LZTS2: variants seen among roughly 807,000 people sequenced by gnomAD.
The protein encoded by LZTS2 is leucine zipper tumor suppressor 2, also known as leucine zipper putative tumor suppressor 2.
In LZTS2, 32 loss-of-function variants were observed where a neutral mutation model predicts 60.6. That is an observed-to-expected ratio of 0.53 (90% confidence interval 0.40 to 0.71). LZTS2 has a LOEUF of 0.71. Ranked by LOEUF, LZTS2 falls within the 30% of genes least tolerant of loss-of-function variation. The pLI is 0.00. For synonymous variants in LZTS2, 360 were observed against 393.1 expected (o/e 0.92, Z 1.00); for missense variants, 792 against 901.9 (o/e 0.88, Z 1.56).
At chr10:101,001,164 G>C (rs915750218) in exon 1 of LZTS2, 1 of 152,220 alleles carries the variant, frequency 6.6e-6, no homozygotes, top group Admixed American at 6.6e-5. Context: ...CACAAACACA[G>C]GAGCTCACAC....
exon 1 of LZTS2, chr10:101,002,111 GC>G (rs1218659107): frequency 6.2e-6 from 1 of 160,018 alleles, no homozygotes; most frequent in Admixed American, 6.5e-5. Flanking sequence ...CTGTAATGAG[GC>G]CACCTGGCTG....
In LZTS2 at chr10:101,006,466, C is replaced by T; in HGVS notation, c.1327-19C>T. 1 of 1,597,860 alleles carries T rather than the reference C, an allele frequency of 6.3e-7. No homozygotes were observed. On this transcript the variant is annotated intron_variant, in intron 3 of 3. Coordinates refer to ENST00000370220, the Ensembl canonical transcript of LZTS2. ...GAGAACCTGTCTCACCATCCTTCCC[C>T]ACTTCCTCCCACCCCCAGGTGTGCC...
exon 4 of LZTS2, chr10:101,006,874 G>A (rs990274443): frequency 1.3e-6 from 2 of 1,532,162 alleles, no homozygotes; most frequent in African/African-American, 1.4e-5. Flanking sequence ...GCAGCTTGCG[G>A]GCCCAGGTGG....
chr10:101,000,860 TCCCCCAGCTC>T (rs1227654631), exon 1 of LZTS2: 1 of 152,292 alleles, frequency 6.6e-6, no homozygotes, highest in Non-Finnish European at 1.5e-5. Context: ...GGCCTACCCC[TCCCCCAGCTC>T]CCCGCAGCTC....
At chr10:101,002,331 G>A (rs1423827321) in exon 1 of LZTS2, 24 of 479,878 alleles carry the variant, frequency 5.0e-5, no homozygotes, top group Non-Finnish European at 2.2e-5. Flanking sequence ...ATTGGGCAGT[G>A]TGGTTTGGGG....
At chr10:101,006,926 G>A (rs1293712254) in exon 4 of LZTS2, 11 of 1,533,590 alleles carry the variant, frequency 7.2e-6, no homozygotes, top group Non-Finnish European at 8.8e-6. Context: ...GCGGCGGGGT[G>A]AGGAGCAGCG....
exon 4 of LZTS2, chr10:101,007,771 C>T (rs1005009694): frequency 3.2e-5 from 17 of 531,688 alleles, no homozygotes; most frequent in Non-Finnish European, 4.1e-5. Flanking sequence ...GTATATTTTT[C>T]ACACTGTAAA....
intron 1 of LZTS2, 38 bp from the exon 3 acceptor site, chr10:101,003,469 G>A (rs1852090581): frequency 2.0e-6 from 3 of 1,508,936 alleles, no homozygotes; most frequent in African/African-American, 1.4e-5. Context: ...GCAAGATTGG[G>A]CAGCTCATCT....
exon 4 of LZTS2, chr10:101,007,403 T>C: frequency 7.0e-7 from 1 of 1,428,222 alleles, no homozygotes; most frequent in South Asian, 1.5e-5. Context: ...AGGCTCTTGT[T>C]ACTACCCACT....
rs750047723 is a variant in LZTS2, at chr10:101,002,770, C to T, written c.232C>T (p.Pro78Ser). ...ACAGGAGCCGCTGTGCCCAGCTGTG[C>T]CCCCTAGGAAGGCTGTCCCTGTCAC... The change falls in exon 1 of 4, where the codon CCC becomes TCC. Residue 78 changes from proline to serine, a missense_variant. By Grantham distance (74) the Pro-to-Ser change is moderately conservative. Coordinates refer to ENST00000370220, the Ensembl canonical transcript of LZTS2. 2.5e-6 allele frequency: 4 copies of T among 1,613,182 alleles called. No homozygotes were observed. In the South Asian group the frequency reaches 4.4e-5, roughly 18 times the overall value.
exon 1 of LZTS2, chr10:101,001,536 T>C (rs1307193230): frequency 6.6e-6 from 1 of 152,254 alleles, no homozygotes; most frequent in East Asian, 1.9e-4. Context: ...CTTCAGCAGA[T>C]GCCTAAGTCC....
intron 2 of LZTS2, among the ~76,000 whole-genome samples, chr10:101,004,627 G>C (rs970479359): frequency 6.6e-6 from 1 of 152,152 alleles, no homozygotes; most frequent in African/African-American, 2.4e-5. Flanking sequence ...AACTTGTGGG[G>C]TGGAAAGGAG....
intron 2 of LZTS2, among the ~76,000 whole-genome samples, chr10:101,004,886 AG>A (rs1455028670): frequency 6.6e-6 from 1 of 152,182 alleles, no homozygotes; most frequent in African/African-American, 2.4e-5. Context: ...TAGTAGAGAC[AG>A]GGTTTCCACC....
intron 3 of LZTS2, among the ~76,000 whole-genome samples, chr10:101,006,180 T>A (rs1272644708): frequency 6.6e-6 from 1 of 152,192 alleles, no homozygotes; most frequent in Non-Finnish European, 1.5e-5. Flanking sequence ...TTGTCCCCAC[T>A]CCTGCAGCAC....
chr10:101,006,764 G>A lies in LZTS2; in HGVS notation c.1606G>A (p.Gly536Arg), dbSNP rs371509770. ...TGGGCAGTTGGATGCTGAGGCGGCC[G>A]GACTCCGGGAGCCCCCTGTGCCACC... The change falls in exon 4 of 4, where the codon GGA becomes AGA. Residue 536 changes from glycine (G) to arginine (R), a missense_variant. Physicochemically the swap from Gly to Arg is moderately radical, Grantham distance 125. Transcript: ENST00000370220. 6.9e-5 allele frequency: 108 copies of A among 1,567,492 alleles called. No individual in the cohort carries two copies. The Middle Eastern group carries it at 8.5e-4, about 12-fold the overall frequency.
chr10:100,996,633 G>A (rs1851922696), upstream of LZTS2: 1 of 152,330 alleles, frequency 6.6e-6, no homozygotes, highest in Non-Finnish European at 1.5e-5. Context: ...CTCTAGGGAG[G>A]GGGCTGTGCT....
chr10:100,999,162 C>T (rs1287311190), upstream of LZTS2, among the ~76,000 whole-genome samples: 1 of 152,232 alleles, frequency 6.6e-6, no homozygotes, highest in East Asian at 1.9e-4. Flanking sequence ...AGCACGCGGT[C>T]GCGCCAGAGG....
At chr10:101,003,360 C>T in intron 1 of LZTS2, 147 bp from the exon 3 acceptor site, 1 of 732,752 alleles carries the variant, frequency 1.4e-6, no homozygotes, top group Non-Finnish European at 2.1e-6. Flanking sequence ...TGACACAAAG[C>T]TGACACTGGT....
At chr10:101,006,663 G>GGGAGCT (rs747648747) in exon 4 of LZTS2, 25 of 1,588,664 alleles carry the variant, frequency 1.6e-5, no homozygotes, top group Non-Finnish European at 2.1e-5. Context: ...GCCCGAGCTC[G>GGGAGCT]GGAGCTGGAG....
Sources: allele counts gnomAD v4.1 joint callset (sites outside exome capture counted in the v4.1 genomes callset), GRCh38; gene constraint gnomAD v4.1.1; transcripts MANE v1.5; gene names NCBI Gene and HGNC (gene_info 2026-07-23, HGNC 2026-07-21).